The following DPP6 variants were observed in gnomAD, a reference collection of about 807,000 sequenced individuals.
The protein encoded by DPP6 is A-type potassium channel modulatory protein DPP6.
Under a neutral mutation model 122.6 loss-of-function variants are expected in DPP6, and 69 were observed. That is an observed-to-expected ratio of 0.56 (90% CI 0.46 to 0.69). The LOEUF is 0.69. Ranked by LOEUF, DPP6 falls within the 30% of genes least tolerant of loss-of-function variation. DPP6 has a pLI of 0.00. For missense variants in DPP6, 928 were observed against 1,116.9 expected, an observed-to-expected ratio of 0.83 and a Z score of 2.41; for synonymous variants, 418 against 433.1, an observed-to-expected ratio of 0.97 and a Z score of 0.43.
chr7:154,806,030 C>T (rs1798673448), intron 15 of DPP6, among the ~76,000 whole-genome samples: 2 of 152,236 alleles, frequency 1.3e-5, no homozygotes, highest in South Asian at 2.1e-4. Context: ...CCTCCCTTCC[C>T]AGCCATCGGC....
chr7:154,056,328 A>G (rs1435452513), intron 1 of DPP6, among the ~76,000 whole-genome samples: 15 of 152,190 alleles, frequency 9.9e-5, no homozygotes, highest in Non-Finnish European at 1.8e-4. Context: ...AGCCCTTCTG[A>G]TTTAAAATTC....
chr7:154,087,194 C>T (rs530518578), intron 1 of DPP6, among the ~76,000 whole-genome samples: 4 of 151,802 alleles, frequency 2.6e-5, no homozygotes, highest in South Asian at 4.2e-4. Context: ...GGGAGTGTCA[C>T]GGGGCTGACA....
At chr7:154,874,616 G>A (rs945909583) in intron 19 of DPP6, among the ~76,000 whole-genome samples, 10 of 152,304 alleles carry the variant, frequency 6.6e-5, no homozygotes, top group African/African-American at 2.2e-4. Flanking sequence ...CGAGCGCGCC[G>A]CTCCTGGCCC....
At chr7:154,302,516 C>T (rs892090943) in intron 1 of DPP6, among the ~76,000 whole-genome samples, 8 of 152,184 alleles carry the variant, frequency 5.3e-5, no homozygotes, top group African/African-American at 1.9e-4. Context: ...CTGGAGGCTC[C>T]TGATGACAGA....
the DPP6 span, among the ~76,000 whole-genome samples, chr7:153,756,898 T>C: frequency 3.3e-5 from 5 of 152,182 alleles, no homozygotes; most frequent in African/African-American, 9.7e-5. Context: ...TCTAAGCTCA[T>C]ACATAAGTTA....
the DPP6 span, among the ~76,000 whole-genome samples, chr7:153,817,591 CA>C: frequency 6.6e-6 from 1 of 151,316 alleles, no homozygotes; most frequent in Non-Finnish European, 1.5e-5. Context: ...ATGCAGCCAT[CA>C]AAAGGATGAG....
At chr7:154,149,917 A>T (rs1361017629) in intron 1 of DPP6, among the ~76,000 whole-genome samples, 2 of 152,080 alleles carry the variant, frequency 1.3e-5, no homozygotes, top group African/African-American at 4.8e-5. Flanking sequence ...GCAGGCAGAT[A>T]CATTGCTTCC....
the DPP6 span, among the ~76,000 whole-genome samples, chr7:153,765,648 G>A: frequency 6.6e-6 from 1 of 152,194 alleles, no homozygotes; most frequent in South Asian, 2.1e-4. Context: ...GATGTATTTT[G>A]GTTTATGTGA....
At chr7:153,902,366 CA>C (rs752901102) in intron 1 of DPP6, among the ~76,000 whole-genome samples, 6 of 152,148 alleles carry the variant, frequency 3.9e-5, no homozygotes, top group Admixed American at 6.5e-5. Context: ...CATATTAGAG[CA>C]AAGTGTCCAC....
chr7:154,016,440 T>C (rs1457650221), intron 1 of DPP6, among the ~76,000 whole-genome samples: 4 of 151,700 alleles, frequency 2.6e-5, no homozygotes, highest in Admixed American at 6.6e-5. Flanking sequence ...CTGGTATGCG[T>C]AGTAATAAAA....
At chr7:154,653,550 A>T (rs1586817164) in intron 6 of DPP6, among the ~76,000 whole-genome samples, 1 of 140,626 alleles carries the variant, frequency 7.1e-6, no homozygotes, top group African/African-American at 2.5e-5. Context: ...ATAGATATAG[A>T]TAGATAATAA....
chr7:154,658,514 G>A (rs34420813), intron 6 of DPP6, among the ~76,000 whole-genome samples: 3,535 of 152,264 alleles, frequency 0.023, 47 homozygotes, highest in Non-Finnish European at 0.036. Flanking sequence ...GGAGGGAGGA[G>A]CACCAGGTAC....
At chr7:154,442,078 C>T in intron 1 of DPP6, among the ~76,000 whole-genome samples, 1 of 152,202 alleles carries the variant, frequency 6.6e-6, no homozygotes, top group East Asian at 1.9e-4. Context: ...ACTGGGCTTG[C>T]ATTAACCCTT....
At chr7:154,610,473 C>T (rs1430847268) in intron 5 of DPP6, among the ~76,000 whole-genome samples, 1 of 152,160 alleles carries the variant, frequency 6.6e-6, no homozygotes, top group Non-Finnish European at 1.5e-5. Flanking sequence ...AATTGAATTT[C>T]CTACCACTTG....
Position 154,505,291 on chromosome 7 carries a change from A to G in DPP6, c.457+30254A>G, listed in dbSNP as rs556095790. Among the ~76,000 whole-genome samples, 3 of 152,340 alleles carry G rather than the reference A, an allele frequency of 2.0e-5. No individual in the cohort carries two copies. The South Asian group carries it at 6.2e-4, about 32-fold the overall frequency. Reference sequence around the variant, plus strand: ...ACATATATAGCAAAGTTGCAAAGGTAGTACAGAAAGTTTCCACATGCCCCA... The same window carrying G: ...ACATATATAGCAAAGTTGCAAAGGTGGTACAGAAAGTTTCCACATGCCCCA... On this transcript the variant is annotated intron_variant, in intron 3 of 25. Transcript: ENST00000377770.
At chr7:153,827,008 C>CT in the DPP6 span, among the ~76,000 whole-genome samples, 1 of 111,098 alleles carries the variant, frequency 9.0e-6, no homozygotes, top group Non-Finnish European at 1.9e-5. Flanking sequence ...TAAAATTAAC[C>CT]TTTATGACAT....
At chr7:153,823,290 A>G in the DPP6 span, among the ~76,000 whole-genome samples, 16 of 151,900 alleles carry the variant, frequency 1.1e-4, no homozygotes, top group Non-Finnish European at 2.1e-4. Context: ...CGGAAGCCCT[A>G]AGAAGCCTGG....
chr7:154,549,451 C>G (rs1457448979), intron 4 of DPP6, among the ~76,000 whole-genome samples: 1 of 152,188 alleles, frequency 6.6e-6, no homozygotes, highest in East Asian at 1.9e-4. Flanking sequence ...GTAGATCACA[C>G]AGTAATCAGT....
intron 1 of DPP6, among the ~76,000 whole-genome samples, chr7:153,956,312 G>T (rs1802460173): frequency 6.6e-6 from 1 of 152,014 alleles, no homozygotes; most frequent in Non-Finnish European, 1.5e-5. Flanking sequence ...CAGGAGACAA[G>T]GCAGGACATG....
Sources: gnomAD v4.1 joint callset for allele counts (sites outside exome capture counted in the v4.1 genomes callset) on GRCh38, gnomAD v4.1.1 for gene constraint, MANE v1.5 for transcripts, NCBI Gene and HGNC (gene_info 2026-07-23, HGNC 2026-07-21) for gene names.